PER1: variants seen among roughly 807,000 people sequenced by gnomAD.
The protein encoded by PER1 is period circadian protein homolog 1.
In PER1, 87 loss-of-function variants were observed where a neutral mutation model predicts 125.9. That is an observed-to-expected ratio of 0.69 (90% CI 0.58 to 0.83). PER1 has a LOEUF of 0.83. Among genes scored for constraint, PER1 ranks in the 40% least tolerant of loss-of-function variants. The pLI, the probability that PER1 is intolerant of heterozygous loss-of-function variation, is 0.00. For synonymous variants in PER1, 801 were observed against 714.7 expected (o/e 1.12, Z -1.93); for missense variants, 1,775 against 1,722.8 (o/e 1.03, Z -0.54).
chr17:8,149,858 T>G lies in PER1; in HGVS notation c.548A>C (p.Gln183Pro). Residue 183 changes from glutamine (Q) to proline (P), a missense_variant, in exon 5 of 23, where the codon CAG becomes CCG. Gln to Pro is a moderately conservative substitution (Grantham distance 76, BLOSUM62 -1). Transcript: ENST00000317276. ...CTCGCCCTCCTCCAGGCTCCACTGC[T>G]GGTAGTATTCCTGGTTGGCTGCAGA... ...KQVQANQEYY[Q>P]QWSLEEGEPC... The G allele has an allele frequency of 6.2e-7, 1 of 1,614,132 alleles. No individual in the cohort carries two copies. The highest frequency in any genetic ancestry group is 8.5e-7 in the Non-Finnish European group (1 of 1,180,020).
rs766542955 is a variant in PER1 at position 8,150,513 on chromosome 17, G to A, written c.194C>T (p.Ala65Val). The change falls in exon 2 of 23, where the codon GCA (alanine) becomes GTA (valine). Residue 65 changes from alanine to valine, a missense_variant. Ala to Val is a moderately conservative substitution (Grantham distance 64). Coordinates refer to ENST00000317276, the MANE Select transcript of PER1 (RefSeq NM_002616.3). The part of the protein sequence containing the change: ...NESNGHESRG[A>V]SQRSSHSSSS... ...GGAGCTGTGTGAGCTCCGCTGAGAT[G>A]CGCCTCTAGACTCATGCCCGTTGGA... The A allele has an allele frequency of 1.9e-6, 3 of 1,614,038 alleles. No individual in the cohort carries two copies. The highest frequency in any genetic ancestry group is 1.3e-5 in the African/African-American group (1 of 74,930).
chr17:8,149,439 C>G (rs764908204), intron 6 of PER1, 23 bp downstream of exon 6: 21 of 1,609,800 alleles, frequency 1.3e-5, no homozygotes, highest in Middle Eastern at 1.6e-4. Flanking sequence ...CTCATGCCTC[C>G]CCACAGCGCT....
At chr17:8,148,988 A>C in intron 7 of PER1, 1 of 641,866 alleles carries the variant, frequency 1.6e-6, no homozygotes. Flanking sequence ...CAGGAGTTCG[A>C]GACCAGCCTG....
chr17:8,151,135 G>T (rs1013082664), intron 1 of PER1, among the ~76,000 whole-genome samples: 7 of 152,242 alleles, frequency 4.6e-5, no homozygotes, highest in Non-Finnish European at 1.0e-4. Flanking sequence ...CCATTCCCAA[G>T]TTCCCATTAG....
intron 18 of PER1, 88 bp from the exon 19 acceptor site, chr17:8,143,964 G>C: frequency 6.6e-7 from 1 of 1,506,534 alleles, no homozygotes; most frequent in Non-Finnish European, 8.8e-7. Context: ...TGACCAGGGA[G>C]AGGACAGGCC....
chr17:8,146,847 A>C (rs201697974), intron 14 of PER1, 50 bp downstream of exon 14: 21 of 1,605,256 alleles, frequency 1.3e-5, no homozygotes, highest in Non-Finnish European at 1.7e-5. Flanking sequence ...GGTGAAGGTC[A>C]GGGGACCCCC....
In PER1 at chr17:8,147,347, C is replaced by G; in HGVS notation, c.1532G>C (p.Gly511Ala). 1 of 1,613,764 alleles carries G rather than the reference C, an allele frequency of 6.2e-7. No homozygotes were observed. The highest frequency in any genetic ancestry group is 8.5e-7 in the Non-Finnish European group (1 of 1,179,968). ...VHSPSPTGLC[G>A]VGAVTSPGPL... ...GCCTGGGGATGTCACGGCGCCGACT[C>G]CACAGAGTCCCGTGGGGCTGGGGCT... Residue 511 changes from glycine (G) to alanine (A), a missense_variant, in exon 13 of 23, where the codon GGA becomes GCA. Physicochemically the swap from Gly to Ala is moderately conservative, Grantham distance 60 (BLOSUM62 0). Coordinates refer to ENST00000317276, the MANE Select transcript of PER1 (RefSeq NM_002616.3).
chr17:8,142,370 C>A lies in PER1; in HGVS notation c.3348G>T (p.Glu1116Asp). 2 of 1,613,780 alleles carry A rather than the reference C, an allele frequency of 1.2e-6. No individual in the cohort carries two copies. Among genetic ancestry groups the A allele is most frequent in the East Asian group, 2.2e-5 (1 of 44,886 alleles). The part of the protein sequence containing the change: ...AEAGAARGGA[E>D]PGDQVIKYVL... ...CGTACTTAATCACCTGGTCCCCAGG[C>A]TCAGCCCCGCCCCGAGCAGCCCCAG... Residue 1116 changes from glutamate to aspartate, a missense_variant, in exon 21 of 23, where the codon GAG becomes GAT. Physicochemically the swap from Glu to Asp is conservative, Grantham distance 45 (BLOSUM62 2). Transcript: ENST00000317276.
At position 8,147,984 on chromosome 17, in the gene PER1, G is replaced by A. The variant is rs376727536; in HGVS notation, c.1234+13C>T. The A allele has an allele frequency of 8.7e-5, 139 of 1,606,208 alleles. No homozygotes were observed. Among genetic ancestry groups the A allele is most frequent in the Non-Finnish European group, 1.1e-4 (129 of 1,174,998 alleles). Reference sequence around the variant, plus strand: ...GGACAGTGGGAAGGGCGAGCAGGGCGAGAGGAACTCACTCTTCTTGTGGAT... The same window carrying A: ...GGACAGTGGGAAGGGCGAGCAGGGCAAGAGGAACTCACTCTTCTTGTGGAT... On this transcript the variant is annotated intron_variant, in intron 10 of 22. Transcript: ENST00000317276.
chr17:8,151,250 C>A (rs1283757978), intron 1 of PER1, among the ~76,000 whole-genome samples: 1 of 152,266 alleles, frequency 6.6e-6, no homozygotes, highest in Non-Finnish European at 1.5e-5. Context: ...GGTGCCACCC[C>A]CGCTGCACAT....
chr17:8,150,253 A>G lies in PER1; in HGVS notation c.340T>C (p.Ser114Pro), dbSNP rs746419090. 3.8e-6 allele frequency: 6 copies of G among 1,575,170 alleles called. No individual in the cohort carries two copies. The highest frequency in any genetic ancestry group is 5.2e-6 in the Non-Finnish European group (6 of 1,156,922). ...CTGGTGGACGGGTTGTCCTGCTCTGAGCTGGCACTCAGGAGGCTGTAGGCA... is the reference window on the plus strand; with the variant it reads ...CTGGTGGACGGGTTGTCCTGCTCTGGGCTGGCACTCAGGAGGCTGTAGGCA... ...SIAYSLLSAS[S>P]EQDNPSTSGC... The change falls in exon 3 of 23, where the codon TCA becomes CCA. Residue 114 changes from serine to proline, a missense_variant. By Grantham distance (74) the Ser-to-Pro change is moderately conservative. Transcript: ENST00000317276.
intron 19 of PER1, 78 bp from the exon 20 acceptor site, chr17:8,142,913 G>T (rs1982174497): frequency 2.6e-6 from 3 of 1,141,782 alleles, no homozygotes; most frequent in Non-Finnish European, 3.7e-6. Flanking sequence ...TACTGGTTGT[G>T]GGGAGAGGCA....
In PER1 at chr17:8,150,289, T is replaced by C; in HGVS notation, c.304A>G (p.Ser102Gly). 6.4e-7 allele frequency: 1 copy of C among 1,559,800 alleles called. No homozygotes were observed. Among genetic ancestry groups the C allele is most frequent in the Non-Finnish European group, 8.7e-7 (1 of 1,149,580 alleles). Residue 102 changes from serine to glycine, a missense_variant, in exon 3 of 23, where the codon AGC (serine) becomes GGC (glycine). Physicochemically the swap from Ser to Gly is moderately conservative, Grantham distance 56 (BLOSUM62 0). Coordinates refer to ENST00000317276, the MANE Select transcript of PER1 (RefSeq NM_002616.3). ...STNSQSPSPP[S>G]SSIAYSLLSA... ...AGGAGGCTGTAGGCAATGGAACTGCTGGGTGGGGATGGGCTCTGAGAGTTT... is the reference window on the plus strand; with the variant it reads ...AGGAGGCTGTAGGCAATGGAACTGCCGGGTGGGGATGGGCTCTGAGAGTTT...
chr17:8,142,132 T>G, intron 21 of PER1, 137 bp downstream of exon 21: 1 of 1,081,756 alleles, frequency 9.2e-7, no homozygotes, highest in Non-Finnish European at 1.3e-6. Context: ...TGGGAGGAAC[T>G]AGTAACAGGG....
At position 8,146,054 on chromosome 17, in the gene PER1, G is replaced by A. The variant is rs763179494; in HGVS notation, c.2122C>T (p.Leu708=). 41 of 1,613,886 alleles carry A rather than the reference G, an allele frequency of 2.5e-5. No homozygotes were observed. In the African/African-American group the frequency reaches 4.8e-4, roughly 19 times the overall value. Residue 708 remains leucine, a synonymous_variant, in exon 17 of 23, where the codon CTG becomes TTG. Coordinates refer to ENST00000317276, the MANE Select transcript of PER1 (RefSeq NM_002616.3). ...VVGGTLSPLA[L]ANKAESVVSV... ...ACCACACTCTCCGCCTTATTGGCCAGGGCGAGCGGGCTCAGGGTGCCTCCC... is the reference window on the plus strand; with the variant it reads ...ACCACACTCTCCGCCTTATTGGCCAAGGCGAGCGGGCTCAGGGTGCCTCCC...
Position 8,149,826 on chromosome 17 carries a change from A to G in PER1, c.580T>C (p.Ser194Pro), listed in dbSNP as rs1982721597. Residue 194 changes from serine (S) to proline (P), a missense_variant, in exon 5 of 23, where the codon TCC (serine) becomes CCC (proline). By Grantham distance (74) the Ser-to-Pro change is moderately conservative. Coordinates refer to ENST00000317276, the MANE Select transcript of PER1 (RefSeq NM_002616.3). ...QWSLEEGEPC[S>P]MDMSTYTLEE... is the part of the protein sequence containing the mutation. ...AGGGTATAGGTGGACATGTCCATGG[A>G]GCAAGGCTCGCCCTCCTCCAGGCTC... 6.2e-7 allele frequency: 1 copy of G among 1,614,006 alleles called. No individual in the cohort carries two copies. The highest frequency in any genetic ancestry group is 1.1e-5 in the South Asian group (1 of 91,092).
At chr17:8,148,524 A>G in intron 8 of PER1, 120 bp downstream of exon 8, 1 of 1,267,448 alleles carries the variant, frequency 7.9e-7, no homozygotes. Context: ...TCATCTTTAC[A>G]ATAGCTTTTC....
In PER1 at chr17:8,150,717, T is replaced by G; in HGVS notation, c.-11A>C. The G allele has an allele frequency of 2.6e-6, 4 of 1,531,814 alleles. No homozygotes were observed. The highest frequency in any genetic ancestry group is 1.4e-5 in the African/African-American group (1 of 72,426). The allele number at this position is 1,531,814 out of a possible 1,614,324, so 94.9% of individuals were successfully genotyped here. A position where few individuals can be genotyped will look rare whatever the true frequency, so the allele number is the denominator to read the frequency against. On this transcript the variant is annotated 5_prime_UTR_variant, in exon 2 of 23. It removes an upstream start codon present in the reference 5' UTR. Coordinates refer to ENST00000317276, the MANE Select transcript of PER1 (RefSeq NM_002616.3). ...TAGGGGGCCACTCATGTCTGGGCCATGGGGAGAACAGAACAGAGAAGGCAG... is the reference window on the plus strand; with the variant it reads ...TAGGGGGCCACTCATGTCTGGGCCAGGGGGAGAACAGAACAGAGAAGGCAG...
Position 8,147,010 on chromosome 17 carries a change from A to G in PER1, c.1630-8T>C. On this transcript the variant is annotated splice_polypyrimidine_tract_variant and splice_region_variant and intron_variant, in intron 13 of 22. Coordinates refer to ENST00000317276, the MANE Select transcript of PER1 (RefSeq NM_002616.3). ...GATCTGCTGGAAAGTCACCTGTGGGACACAGCACCACAGTGAGCAGAACCA... is the reference window on the plus strand; with the variant it reads ...GATCTGCTGGAAAGTCACCTGTGGGGCACAGCACCACAGTGAGCAGAACCA... 1.9e-6 allele frequency: 3 copies of G among 1,604,538 alleles called. No individual in the cohort carries two copies. Among genetic ancestry groups the G allele is most frequent in the Non-Finnish European group, 2.6e-6 (3 of 1,171,664 alleles).
Sources: allele counts gnomAD v4.1 joint callset (sites outside exome capture counted in the v4.1 genomes callset), GRCh38; gene constraint gnomAD v4.1.1; transcripts MANE v1.5; gene names NCBI Gene and HGNC (gene_info 2026-07-23, HGNC 2026-07-21).